PRAMEF14: variants seen among roughly 807,000 people sequenced by gnomAD.
The protein encoded by PRAMEF14 is PRAME family member 14.
A neutral mutation model predicts 38.3 loss-of-function variants in PRAMEF14; 24 were observed. The ratio of observed to expected loss-of-function variants is 0.63; its 90% confidence interval spans 0.45 to 0.88. The LOEUF is 0.88. PRAMEF14 is among the 40% of genes least tolerant of loss of function. The pLI, the probability that PRAMEF14 is intolerant of heterozygous loss-of-function variation, is 0.00. For missense variants in PRAMEF14, 477 were observed against 570.8 expected (o/e 0.84, Z 1.67); for synonymous variants, 194 against 226.4 (o/e 0.86, Z 1.29).
chr1:13,343,957 C>G lies in PRAMEF14; in HGVS notation c.866+81G>C. 8 of 1,589,334 alleles carry G rather than the reference C, an allele frequency of 5.0e-6. 1 individual carries two copies. Among genetic ancestry groups the G allele is most frequent in the Admixed American group, 3.4e-5 (2 of 59,470 alleles). On this transcript the variant is annotated intron_variant, in intron 3 of 3. Coordinates refer to ENST00000334600, the MANE Select transcript of PRAMEF14 (RefSeq NM_001024661.2). ...TGTGACGTTGCCACTGGCTGGCACA[C>G]AGTACACGCCTTCTAATGTTTGCTG...
intron 1 of PRAMEF14, among the ~76,000 whole-genome samples, chr1:13,346,771 G>A (rs76932981): frequency 6.2e-3 from 872 of 140,946 alleles, no homozygotes; most frequent in East Asian, 0.043. Flanking sequence ...CACAAAAACA[G>A]ATAACTTCAA....
chr1:13,346,100 A>G (rs1640400433), intron 1 of PRAMEF14, among the ~76,000 whole-genome samples: 1 of 150,912 alleles, frequency 6.6e-6, no homozygotes, highest in Non-Finnish European at 1.5e-5. Context: ...AGGGCCCTGC[A>G]CTCCAGTCTG....
intron 1 of PRAMEF14, 21 bp downstream of exon 1, chr1:13,347,034 ACC>A (rs1268824752): frequency 2.0e-5 from 3 of 150,142 alleles, no homozygotes; most frequent in Non-Finnish European, 3.0e-5. Context: ...GATGGGCATG[ACC>A]CTAAGAAGGT....
At chr1:13,346,416 G>A (rs1196202114) in intron 1 of PRAMEF14, among the ~76,000 whole-genome samples, 8 of 150,362 alleles carry the variant, frequency 5.3e-5, no homozygotes, top group Admixed American at 5.3e-4. Flanking sequence ...GCTGAAGCAG[G>A]AGAATCGCAT....
intron 1 of PRAMEF14, among the ~76,000 whole-genome samples, chr1:13,346,249 T>C (rs1252631941): frequency 6.6e-6 from 1 of 151,436 alleles, no homozygotes; most frequent in African/African-American, 2.4e-5. Context: ...GGCTCACTCC[T>C]GTAATCCCAG....
intron 1 of PRAMEF14, among the ~76,000 whole-genome samples, chr1:13,346,591 T>C (rs1640407572): frequency 6.7e-6 from 1 of 148,762 alleles, no homozygotes; most frequent in Admixed American, 6.7e-5. Flanking sequence ...TTCCACATAC[T>C]CACAATTACC....
At position 13,342,541 on chromosome 1, in the gene PRAMEF14, T is replaced by C. The variant is rs1475603916; in HGVS notation, c.1412A>G (p.His471Arg). 5.0e-6 allele frequency: 8 copies of C among 1,604,792 alleles called. No individual in the cohort carries two copies. ...GGCACGCCTTCCCTAGCAGCAAAGA[T>C]GGAGCTCCAGTTCCTCAGACGGTGA... ...GSSPSEELELHLCC is the reference protein window; with the variant it reads ...GSSPSEELELRLCC Residue 471 changes from histidine (H) to arginine (R), a missense_variant, in exon 4 of 4, where the codon CAT becomes CGT. By Grantham distance (29) the His-to-Arg change is conservative. Coordinates refer to ENST00000334600, the MANE Select transcript of PRAMEF14 (RefSeq NM_001024661.2).
At chr1:13,343,457 G>T (rs1453928186) in intron 3 of PRAMEF14, 2 of 574,312 alleles carry the variant, frequency 3.5e-6, no homozygotes, top group Admixed American at 5.3e-5. Flanking sequence ...GTCGGCAGGG[G>T]CTCCCTGACA....
chr1:13,343,820 G>C lies in PRAMEF14; in HGVS notation c.866+218C>G, dbSNP rs1177030281. ...AGCTTGTACATGATGTCTCTCTCTA[G>C]CTTCTACCCCAGGTGACCCCTCTGC... On this transcript the variant is annotated intron_variant, in intron 3 of 3. Transcript: ENST00000334600. The C allele has an allele frequency of 2.7e-4, 397 of 1,481,168 alleles. 20 individuals carry two copies. The highest frequency in any genetic ancestry group is 3.4e-4 in the Non-Finnish European group (375 of 1,112,440). 91.8% of individuals were successfully genotyped at this position (1,481,168 alleles called of 1,614,324 possible). A position where few individuals can be genotyped will look rare whatever the true frequency, so the allele number is the denominator to read the frequency against.
intron 3 of PRAMEF14, 157 bp from the exon 4 acceptor site, chr1:13,343,243 G>C (rs1282116639): frequency 7.3e-6 from 2 of 273,648 alleles, no homozygotes; most frequent in Non-Finnish European, 1.1e-5. Flanking sequence ...GACCCTGATC[G>C]TTCAGGGGCT....
Position 13,344,139 on chromosome 1 carries a change from T to C in PRAMEF14, c.765A>G (p.Leu255=). Residue 255 remains leucine, a synonymous_variant, in exon 3 of 4, where the codon TTA becomes TTG. Transcript: ENST00000334600. ...SMSDNELEGR[L]VTKFSSVFLR... is the part of the protein sequence containing the mutation. The stretch of plus-strand genomic sequence containing the variant: ...GGAACACAGAGCTGAATTTGGTGAC[T>C]AACCGTCCTTCGAGTTCATTATCTG... The C allele has an allele frequency of 1.2e-6, 2 of 1,606,326 alleles. No individual in the cohort carries two copies. Among genetic ancestry groups the C allele is most frequent in the East Asian group, 2.4e-5 (1 of 41,934 alleles).
intron 3 of PRAMEF14, 92 bp from the exon 4 acceptor site, chr1:13,343,178 C>A: frequency 1.4e-6 from 1 of 732,460 alleles, no homozygotes; most frequent in East Asian, 2.9e-5. Flanking sequence ...CAAACAAACA[C>A]AAGTTTGTTC....
intron 1 of PRAMEF14, 60 bp downstream of exon 1, chr1:13,346,997 C>T (rs1399649054): frequency 1.3e-5 from 2 of 149,798 alleles, no homozygotes; most frequent in Non-Finnish European, 3.0e-5. Flanking sequence ...TGTGTGTCAC[C>T]GTCCCTGACT....
At chr1:13,346,459 A>T (rs1169676850) in intron 1 of PRAMEF14, among the ~76,000 whole-genome samples, 1 of 150,544 alleles carries the variant, frequency 6.6e-6, no homozygotes, top group Non-Finnish European at 1.5e-5. Flanking sequence ...AGTGAGCCAA[A>T]TCACACCATG....
chr1:13,344,520 G>T lies in PRAMEF14; in HGVS notation c.384C>A (p.Thr128=), dbSNP rs2100352917. 1 of 1,607,346 alleles carries T rather than the reference G, an allele frequency of 6.2e-7. No homozygotes were observed. Among genetic ancestry groups the T allele is most frequent in the Non-Finnish European group, 8.5e-7 (1 of 1,178,886 alleles). ...CCTCTGCTGTCTGCCTCTTACTCAT[G>T]GTCTCTGGGAAGCAGGACAGGGCCC... ...GAWALSCFPE[T]MSKRQTAEDC... is the part of the protein sequence containing the mutation. Residue 128 remains threonine (T), a synonymous_variant, in exon 3 of 4, where the codon ACC becomes ACA. Transcript: ENST00000334600.
At chr1:13,344,728 C>G in intron 2 of PRAMEF14, 112 bp from the exon 3 acceptor site, 1 of 1,489,686 alleles carries the variant, frequency 6.7e-7, no homozygotes, top group South Asian at 1.3e-5. Context: ...TCCCTGTTCT[C>G]TTTGTCTTTT....
chr1:13,343,441 C>T (rs1208018580), intron 3 of PRAMEF14: 5 of 554,136 alleles, frequency 9.0e-6, no homozygotes, highest in Non-Finnish European at 1.6e-5. Context: ...TCAGCTAGGG[C>T]TACATGTCGG....
In PRAMEF14 at chr1:13,344,585, C is replaced by T; in HGVS notation, c.319G>A (p.Asp107Asn). The change falls in exon 3 of 4, where the codon GAT becomes AAT. Residue 107 changes from aspartate to asparagine, a missense_variant. Physicochemically the swap from Asp to Asn is conservative, Grantham distance 23. This residue lies in a region of PRAMEF14 where 234 missense variants were observed against 247.4 expected (regional missense o/e 0.95). Transcript: ENST00000334600. ...CTGGCCCAGAAATTCTCATCAACAT[C>T]CCGCAAATCCAGCACTTGAAGTTTC... Reference protein sequence around the residue: ...RWKLQVLDLRDVDENFWARWP... With the variant: ...RWKLQVLDLRNVDENFWARWP... The T allele has an allele frequency of 1.2e-6, 2 of 1,604,088 alleles. No individual in the cohort carries two copies. The highest frequency in any genetic ancestry group is 1.7e-6 in the Non-Finnish European group (2 of 1,176,968).
At chr1:13,343,380 A>G (rs1180021682) in intron 3 of PRAMEF14, among the ~76,000 whole-genome samples, 1 of 144,104 alleles carries the variant, frequency 6.9e-6, no homozygotes, top group African/African-American at 2.6e-5. Context: ...GGCTACAGGT[A>G]CCCGGTGGGA....
Sources: allele counts gnomAD v4.1 joint callset (sites outside exome capture counted in the v4.1 genomes callset), GRCh38; gene constraint gnomAD v4.1.1; regional missense constraint gnomAD v4.1.1; transcripts MANE v1.5; gene names NCBI Gene and HGNC (gene_info 2026-07-23, HGNC 2026-07-21).